Variants in CFDP1 observed in about 807,000 individuals in gnomAD.
CFDP1 encodes the protein heterochromatin-stabilizing protein CFDP1.
CFDP1 carries 31 observed loss-of-function variants against 40.1 expected under a neutral mutation model. That is an observed-to-expected ratio of 0.77 (90% confidence interval 0.58 to 1.04). The LOEUF is 1.04. CFDP1 is among the 50% of genes least tolerant of loss of function. The pLI is 0.00. For synonymous variants in CFDP1, 167 were observed against 120.0 expected (o/e 1.39, Z -2.56); for missense variants, 423 against 343.4 (o/e 1.23, Z -1.83).
intron 1 of CFDP1, among the ~76,000 whole-genome samples, chr16:75,417,192 C>A (rs980512077): frequency 3.9e-5 from 6 of 152,046 alleles, no homozygotes; most frequent in Admixed American, 2.6e-4. Context: ...AAAACAAATA[C>A]CACCCCAAAA....
chr16:75,390,339 C>T (rs1466203614), intron 5 of CFDP1, among the ~76,000 whole-genome samples: 1 of 152,210 alleles, frequency 6.6e-6, no homozygotes, highest in Admixed American at 6.5e-5. Flanking sequence ...TGGCCCCTGC[C>T]CTTGCTGGCC....
At chr16:75,343,112 C>T (rs1244653996) in intron 5 of CFDP1, among the ~76,000 whole-genome samples, 1 of 152,140 alleles carries the variant, frequency 6.6e-6, no homozygotes, top group Non-Finnish European at 1.5e-5. Flanking sequence ...TAGGTACCAA[C>T]TTCTGGTTGT....
At position 75,305,110 on chromosome 16, in the gene CFDP1, A is replaced by C; in HGVS notation, c.723T>G (p.Leu241=). 1 of 1,614,064 alleles carries C rather than the reference A, an allele frequency of 6.2e-7. No homozygotes were observed. The highest frequency in any genetic ancestry group is 2.2e-5 in the East Asian group (1 of 44,884). The change falls in exon 6 of 7, where the codon CTT becomes CTG. Residue 241 remains leucine (L), a synonymous_variant. Coordinates refer to ENST00000283882, the MANE Select transcript of CFDP1 (RefSeq NM_006324.3). ...IGAKKQKMST[L]EKSKLDWESF... is the part of the protein sequence containing the mutation. ...TCTCCCAGTCCAGTTTGGACTTCTC[A>C]AGGGTGCTCATTTTCTGCTTCTTGG...
chr16:75,338,060 A>G (rs1365714210), intron 5 of CFDP1, among the ~76,000 whole-genome samples: 2 of 152,216 alleles, frequency 1.3e-5, no homozygotes, highest in African/African-American at 2.4e-5. Context: ...AAACTGCTGC[A>G]ACTTTTACTT....
chr16:75,295,898 T>G (rs751525251), intron 6 of CFDP1, among the ~76,000 whole-genome samples: 4 of 152,130 alleles, frequency 2.6e-5, no homozygotes, highest in African/African-American at 7.2e-5. Context: ...CACCTCCCAC[T>G]AAGAGACCCG....
intron 5 of CFDP1, among the ~76,000 whole-genome samples, chr16:75,319,964 T>C (rs752114038): frequency 2.6e-5 from 4 of 152,216 alleles, no homozygotes; most frequent in Non-Finnish European, 5.9e-5. Context: ...GGAAATGGTT[T>C]TCATAGAGGC....
chr16:75,404,605 G>A (rs903619896), intron 4 of CFDP1, among the ~76,000 whole-genome samples: 2 of 151,890 alleles, frequency 1.3e-5, no homozygotes, highest in African/African-American at 4.8e-5. Flanking sequence ...CACCATCAAT[G>A]TAGTATTTTT....
chr16:75,324,804 T>C (rs1288964619), intron 5 of CFDP1: 1 of 151,586 alleles, frequency 6.6e-6, no homozygotes, highest in Non-Finnish European at 1.5e-5. Flanking sequence ...GACTCAGAAG[T>C]TGCTTGTTCT....
intron 4 of CFDP1, among the ~76,000 whole-genome samples, chr16:75,411,167 G>C (rs1390239234): frequency 6.6e-6 from 1 of 151,934 alleles, no homozygotes; most frequent in African/African-American, 2.4e-5. Context: ...GCAATGAGCC[G>C]AGATCGCACC....
intron 5 of CFDP1, among the ~76,000 whole-genome samples, chr16:75,375,618 C>T (rs1311668209): frequency 6.6e-6 from 1 of 151,844 alleles, no homozygotes; most frequent in Admixed American, 6.6e-5. Flanking sequence ...ATGATGAAAC[C>T]CCATCTCCAC....
chr16:75,308,144 A>G (rs1034411998), intron 5 of CFDP1, among the ~76,000 whole-genome samples: 4 of 152,208 alleles, frequency 2.6e-5, no homozygotes, highest in Non-Finnish European at 5.9e-5. Flanking sequence ...TACTGCCTGG[A>G]CAGGTGGTGG....
At chr16:75,301,055 G>C (rs2078218098) in intron 6 of CFDP1, among the ~76,000 whole-genome samples, 1 of 152,206 alleles carries the variant, frequency 6.6e-6, no homozygotes, top group Non-Finnish European at 1.5e-5. Context: ...TAGCTTTCCA[G>C]TAAGGCCTGA....
At chr16:75,381,345 A>C (rs980066741) in intron 5 of CFDP1, 1 of 152,176 alleles carries the variant, frequency 6.6e-6, no homozygotes, top group Non-Finnish European at 1.5e-5. Context: ...AAAGAATGTA[A>C]GACCCAGAAA....
At chr16:75,410,324 C>T (rs929988235) in intron 4 of CFDP1, among the ~76,000 whole-genome samples, 2 of 152,024 alleles carry the variant, frequency 1.3e-5, no homozygotes, top group Non-Finnish European at 2.9e-5. Context: ...GCTATTTTCA[C>T]ATAATAAAAT....
intron 4 of CFDP1, among the ~76,000 whole-genome samples, chr16:75,399,056 C>CAAAAAAAAA (rs58692180): frequency 1.0e-5 from 1 of 98,050 alleles, no homozygotes. Flanking sequence ...GACTCCGTCT[C>CAAAAAAAAA]AAAAAAAAAA....
chr16:75,338,546 T>G (rs564615596), intron 5 of CFDP1, among the ~76,000 whole-genome samples: 1 of 152,232 alleles, frequency 6.6e-6, no homozygotes, highest in African/African-American at 2.4e-5. Flanking sequence ...TGAGAACTTC[T>G]GGGTGGCTGT....
intron 5 of CFDP1, among the ~76,000 whole-genome samples, chr16:75,352,016 A>AAAAG (rs2078615915): frequency 2.6e-5 from 1 of 38,190 alleles, no homozygotes; most frequent in Non-Finnish European, 8.4e-5. Context: ...TCAAAAAAAA[A>AAAAG]AAAAAAAAAA....
intron 5 of CFDP1, among the ~76,000 whole-genome samples, chr16:75,371,543 G>A (rs1467792992): frequency 2.6e-5 from 4 of 152,144 alleles, no homozygotes; most frequent in Non-Finnish European, 5.9e-5. Context: ...AGCTTCCTTT[G>A]TAGTTGGGAA....
chr16:75,341,887 A>G (rs2078529770), intron 5 of CFDP1, among the ~76,000 whole-genome samples: 1 of 152,158 alleles, frequency 6.6e-6, no homozygotes, highest in Non-Finnish European at 1.5e-5. Flanking sequence ...GGAGCAATCA[A>G]AAGACCTAGG....
Sources: allele counts gnomAD v4.1 joint callset (sites outside exome capture counted in the v4.1 genomes callset), GRCh38; gene constraint gnomAD v4.1.1; transcripts MANE v1.5; gene names NCBI Gene and HGNC (gene_info 2026-07-23, HGNC 2026-07-21).